The following ATRNL1 variants were observed in gnomAD, a reference collection of about 807,000 sequenced individuals.
ATRNL1 encodes attractin-like protein 1.
A neutral mutation model predicts 182.7 loss-of-function variants in ATRNL1; 95 were observed. The ratio of observed to expected loss-of-function variants is 0.52; its 90% CI spans 0.44 to 0.62. ATRNL1 has a LOEUF of 0.62. Among genes scored for constraint, ATRNL1 ranks in the 20% least tolerant of loss-of-function variants. The probability of loss-of-function intolerance (pLI) is 0.00; values close to 1 mark genes in which losing one functional copy is unlikely to be tolerated. For synonymous variants in ATRNL1, 576 were observed against 568.3 expected (o/e 1.01, Z -0.19); for missense variants, 1,471 against 1,679.5 (o/e 0.88, Z 2.17).
intron 21 of ATRNL1, among the ~76,000 whole-genome samples, chr10:115,436,060 T>A (rs1004847649): frequency 6.6e-6 from 1 of 152,136 alleles, no homozygotes; most frequent in Non-Finnish European, 1.5e-5. Flanking sequence ...ATATTGTAGA[T>A]TATCAAGTAA....
At chr10:115,199,912 T>G (rs1322049616) in intron 8 of ATRNL1, among the ~76,000 whole-genome samples, 7 of 152,194 alleles carry the variant, frequency 4.6e-5, no homozygotes, top group Non-Finnish European at 8.8e-5. Context: ...AAGTCATCTC[T>G]GTAGACAGGT....
At chr10:115,755,756 C>T (rs1334248045) in intron 27 of ATRNL1, among the ~76,000 whole-genome samples, 1 of 152,134 alleles carries the variant, frequency 6.6e-6, no homozygotes, top group Non-Finnish European at 1.5e-5. Context: ...ACCAGCTCCT[C>T]TTTGTACCTC....
At chr10:115,512,086 A>G (rs1850413900) in intron 24 of ATRNL1, among the ~76,000 whole-genome samples, 1 of 151,960 alleles carries the variant, frequency 6.6e-6, no homozygotes, top group Non-Finnish European at 1.5e-5. Flanking sequence ...AACATGTCAT[A>G]TTTTTCATGG....
intron 28 of ATRNL1, among the ~76,000 whole-genome samples, chr10:115,915,411 A>T (rs539916374): frequency 1.3e-4 from 19 of 149,070 alleles, no homozygotes; most frequent in East Asian, 1.2e-3. Context: ...AAAAAAAAAA[A>T]TTTTTTTTGA....
intron 27 of ATRNL1, among the ~76,000 whole-genome samples, chr10:115,759,192 T>G (rs1410248929): frequency 1.3e-5 from 2 of 152,188 alleles, no homozygotes; most frequent in African/African-American, 4.8e-5. Flanking sequence ...TTGAGGAAAT[T>G]GGCATTTTTA....
rs576298242 is a variant in ATRNL1, at chr10:115,946,629, G to A, written c.*1850G>A. 35 of 152,020 alleles carry A rather than the reference G, an allele frequency of 2.3e-4. No homozygotes were observed. Among genetic ancestry groups the A allele is most frequent in the Non-Finnish European group, 4.7e-4 (32 of 67,974 alleles). The allele number at this position is 152,020 out of a possible 1,614,324, so 9.4% of individuals were successfully genotyped here. A position where few individuals can be genotyped will look rare whatever the true frequency, so the allele number is the denominator to read the frequency against. The stretch of plus-strand genomic sequence containing the variant: ...TTTTTGGAGGGGGAGGCCACTGGTT[G>A]TTTCTACTTCCCTGTGATATTTTCT... On this transcript the variant is annotated 3_prime_UTR_variant, in exon 29 of 29. Coordinates refer to ENST00000355044, the MANE Select transcript of ATRNL1 (RefSeq NM_207303.4).
At chr10:115,741,863 G>C (rs1177387987) in intron 27 of ATRNL1, among the ~76,000 whole-genome samples, 1 of 152,112 alleles carries the variant, frequency 6.6e-6, no homozygotes, top group East Asian at 1.9e-4. Flanking sequence ...TAGGAAAATT[G>C]CTACAAAGAA....
intron 19 of ATRNL1, among the ~76,000 whole-genome samples, chr10:115,369,171 A>T (rs1244139402): frequency 1.3e-5 from 2 of 151,174 alleles, no homozygotes; most frequent in Non-Finnish European, 2.9e-5. Flanking sequence ...ATAATATTTC[A>T]TTTTTAAATA....
In ATRNL1 at chr10:115,645,511, TA is replaced by T. The variant is rs199556495; in HGVS notation, c.3796-81730del. Among the ~76,000 whole-genome samples, 1,079 of 148,048 alleles carry T rather than the reference TA, an allele frequency of 7.3e-3. 13 individuals carry two copies. The highest frequency in any genetic ancestry group is 0.025 in the African/African-American group (1,005 of 40,846). On this transcript the variant is annotated intron_variant, in intron 26 of 28. Coordinates refer to ENST00000355044, the MANE Select transcript of ATRNL1 (RefSeq NM_207303.4). ...ATAGAGATTTATATATATATAAATA[TA>T]AAAAAATATATATCCCTCTGGATAT...
intron 7 of ATRNL1, among the ~76,000 whole-genome samples, chr10:115,168,498 A>G (rs554207520): frequency 3.5e-4 from 53 of 152,080 alleles, no homozygotes; most frequent in African/African-American, 1.2e-3. Context: ...CTTTTTGATT[A>G]TTGCCATCCT....
At chr10:115,187,848 A>AT (rs1413294105) in intron 8 of ATRNL1, among the ~76,000 whole-genome samples, 1 of 151,376 alleles carries the variant, frequency 6.6e-6, no homozygotes, top group Non-Finnish European at 1.5e-5. Context: ...TGCCTGGTTA[A>AT]TTTTTTAATT....
intron 26 of ATRNL1, among the ~76,000 whole-genome samples, chr10:115,660,309 T>G (rs920123617): frequency 1.3e-5 from 2 of 152,124 alleles, no homozygotes; most frequent in African/African-American, 4.8e-5. Context: ...AGGCAACTAG[T>G]TGGCTTGTAG....
intron 19 of ATRNL1, among the ~76,000 whole-genome samples, chr10:115,348,394 T>C (rs924662178): frequency 1.3e-5 from 2 of 152,176 alleles, no homozygotes; most frequent in Non-Finnish European, 2.9e-5. Flanking sequence ...TCCTGGCAAA[T>C]GTTAACTCCC....
chr10:115,260,603 G>T (rs1357792016), intron 10 of ATRNL1, among the ~76,000 whole-genome samples: 1 of 152,000 alleles, frequency 6.6e-6, no homozygotes, highest in Non-Finnish European at 1.5e-5. Context: ...TGTCAAACGA[G>T]TAGGAAAAAA....
chr10:115,771,717 C>G (rs1193456051), intron 27 of ATRNL1, among the ~76,000 whole-genome samples: 1 of 152,130 alleles, frequency 6.6e-6, no homozygotes, highest in East Asian at 1.9e-4. Context: ...TCTGTCTCTT[C>G]CAAATAGTTA....
At chr10:115,234,660 G>A (rs1288321179) in intron 9 of ATRNL1, among the ~76,000 whole-genome samples, 1 of 146,432 alleles carries the variant, frequency 6.8e-6, no homozygotes, top group African/African-American at 2.5e-5. Context: ...GTACGATCTC[G>A]GCTCACTGCA....
chr10:115,594,091 A>G (rs542543865), intron 26 of ATRNL1, among the ~76,000 whole-genome samples: 1 of 152,198 alleles, frequency 6.6e-6, no homozygotes, highest in South Asian at 2.1e-4. Flanking sequence ...ATTGATTCAG[A>G]AGAAATAAAA....
chr10:115,561,466 A>G (rs535570009), intron 26 of ATRNL1, among the ~76,000 whole-genome samples: 6 of 152,308 alleles, frequency 3.9e-5, no homozygotes, highest in African/African-American at 7.2e-5. Flanking sequence ...ATATAAATAA[A>G]AATACATTAT....
At chr10:115,714,433 TC>T in intron 26 of ATRNL1, among the ~76,000 whole-genome samples, 1 of 152,060 alleles carries the variant, frequency 6.6e-6, no homozygotes, top group Non-Finnish European at 1.5e-5. Context: ...GCCACGTTCC[TC>T]CCGCTGCAAA....
Sources: allele counts gnomAD v4.1 joint callset (sites outside exome capture counted in the v4.1 genomes callset), GRCh38; gene constraint gnomAD v4.1.1; transcripts MANE v1.5; gene names NCBI Gene and HGNC (gene_info 2026-07-23, HGNC 2026-07-21).